IGFN1: variants seen among roughly 807,000 people sequenced by gnomAD.
IGFN1 encodes the protein immunoglobulin like and fibronectin type III domain containing 1.
In IGFN1, 253 loss-of-function variants were observed where a neutral mutation model predicts 289.5. The ratio of observed to expected loss-of-function variants is 0.87; its 90% CI spans 0.79 to 0.97. IGFN1 has a LOEUF of 0.97. Ranked by LOEUF, IGFN1 falls within the 50% of genes least tolerant of loss-of-function variation. The pLI, the probability that IGFN1 is intolerant of heterozygous loss-of-function variation, is 0.00. For synonymous variants in IGFN1, 1,706 were observed against 1,788.5 expected (o/e 0.95, Z 1.16); for missense variants, 4,470 against 4,686.1 (o/e 0.95, Z 1.35).
chr1:201,216,135 T>C (rs1029510801), intron 15 of IGFN1: 6 of 644,680 alleles, frequency 9.3e-6, no homozygotes, highest in African/African-American at 7.1e-5. Flanking sequence ...CCCTGAGTGG[T>C]GCCAGCAAGG....
chr1:201,216,515 C>T lies in IGFN1; in HGVS notation c.9357C>T (p.Cys3119=), dbSNP rs768385954. Residue 3119 remains cysteine (C), a synonymous_variant, in exon 16 of 24, where the codon TGC becomes TGT. Transcript: ENST00000335211. ...EVQDCHRAGV[C]LRWRPPRDNG... ...AGGATTGCCATAGGGCTGGCGTCTG[C>T]CTCCGCTGGCGGCCCCCAAGGGACA... The T allele has an allele frequency of 1.2e-6, 2 of 1,610,008 alleles. No individual in the cohort carries two copies. The highest frequency in any genetic ancestry group is 4.5e-5 in the East Asian group (2 of 44,798).
chr1:201,212,801 A>G lies in IGFN1; in HGVS notation c.7908A>G (p.Gln2636=). The G allele has an allele frequency of 1.9e-6, 3 of 1,551,508 alleles. No homozygotes were observed. The highest frequency in any genetic ancestry group is 2.6e-6 in the Non-Finnish European group (3 of 1,146,932). ...APDWENQGFS[Q]GSIDAGKQPA... ...ATTGGGAAAACCAGGGGTTTAGCCA[A>G]GGCAGCATAGATGCTGGGAAGCAGC... The change falls in exon 12 of 24, where the codon CAA becomes CAG. Residue 2636 remains glutamine, a synonymous_variant. Coordinates refer to ENST00000335211, the MANE Select transcript of IGFN1 (RefSeq NM_001164586.2).
chr1:201,193,993 G>A (rs1162724512), intron 2 of IGFN1, among the ~76,000 whole-genome samples, 161 bp from the exon 3 acceptor site: 1 of 152,170 alleles, frequency 6.6e-6, no homozygotes, highest in Non-Finnish European at 1.5e-5. Flanking sequence ...CAAAAGCACT[G>A]TGCACAGGCA....
Position 201,213,370 on chromosome 1 carries a change from A to G in IGFN1, c.8477A>G (p.Glu2826Gly). 1 of 1,612,400 alleles carries G rather than the reference A, an allele frequency of 6.2e-7. No individual in the cohort carries two copies. The highest frequency in any genetic ancestry group is 8.5e-7 in the Non-Finnish European group (1 of 1,179,264). ...RSRSQAQSGA[E>G]VGGGKRRGAD... ...AGGTCTCAGGCACAGTCAGGGGCTG[A>G]GGTTGGAGGAGGAAAGAGAAGGGGA... Residue 2826 changes from glutamate to glycine, a missense_variant, in exon 12 of 24, where the codon GAG becomes GGG. Physicochemically the swap from Glu to Gly is moderately conservative, Grantham distance 98 (BLOSUM62 -2). This residue lies in a region of IGFN1 where 2,218 missense variants were observed against 2,114.1 expected (regional missense o/e 1.05). Transcript: ENST00000335211.
At chr1:201,194,395 G>A (rs1572159787) in intron 3 of IGFN1, 122 bp downstream of exon 3, 10 of 1,056,030 alleles carry the variant, frequency 9.5e-6, no homozygotes, top group African/African-American at 1.6e-5. Context: ...CTAGGCCATA[G>A]CCCATCTCCC....
intron 3 of IGFN1, 135 bp downstream of exon 3, chr1:201,194,408 C>T (rs1666799506): frequency 1.1e-6 from 1 of 945,572 alleles, no homozygotes; most frequent in African/African-American, 1.7e-5. Flanking sequence ...CATCTCCCTC[C>T]TATCCTTGAG....
chr1:201,218,711 T>C (rs1571486829), intron 18 of IGFN1, 53 bp downstream of exon 18: 2 of 1,548,030 alleles, frequency 1.3e-6, no homozygotes, highest in Non-Finnish European at 1.7e-6. Flanking sequence ...GGGATAGCCC[T>C]GAAGCTGGGT....
rs1402820179 is a variant in IGFN1 at position 201,215,059 on chromosome 1, A to C, written c.8900A>C (p.His2967Pro). The change falls in exon 14 of 24, where the codon CAC becomes CCC. Residue 2967 changes from histidine to proline, a missense_variant. This residue lies in a region of IGFN1 where 2,218 missense variants were observed against 2,114.1 expected (regional missense o/e 1.05). Coordinates refer to ENST00000335211, the MANE Select transcript of IGFN1 (RefSeq NM_001164586.2). ...GVIFKQDGLV[H>P]SLFITHVQGT... is the part of the protein sequence containing the mutation. ...ATCTTTAAGCAAGACGGTCTCGTGC[A>C]CAGCCTCTTCATCACGCATGTGCAG... 1.2e-6 allele frequency: 2 copies of C among 1,614,120 alleles called. No homozygotes were observed. The highest frequency in any genetic ancestry group is 2.2e-5 in the South Asian group (2 of 91,084).
In IGFN1 at chr1:201,225,875, C is replaced by T. The variant is rs6690992; in HGVS notation, c.10538C>T (p.Thr3513Met). 2.0e-4 allele frequency: 320 copies of T among 1,613,008 alleles called. 1 individual carries two copies. The African/African-American group carries it at 3.2e-3, about 16-fold the overall frequency. Residue 3513 changes from threonine (T) to methionine (M), a missense_variant, in exon 22 of 24, where the codon ACG (threonine) becomes ATG (methionine). Thr to Met is a moderately conservative substitution (Grantham distance 81). Coordinates refer to ENST00000335211, the MANE Select transcript of IGFN1 (RefSeq NM_001164586.2). ...CACCTGCAGGAGAACGTGCCTGGGA[C>T]GGTGACGGCCGAGTGGGAACCCTCT... The part of the protein sequence containing the change: ...PIHLQENVPG[T>M]VTAEWEPSPD...
rs147937882 is a variant in IGFN1 at position 201,214,248 on chromosome 1, T to A, written c.8800T>A (p.Cys2934Ser). 6.3e-5 allele frequency: 102 copies of A among 1,613,554 alleles called. No homozygotes were observed. Among genetic ancestry groups the A allele is most frequent in the Admixed American group, 2.2e-4 (13 of 59,994 alleles). Residue 2934 changes from cysteine (C) to serine (S), a missense_variant, in exon 13 of 24, where the codon TGT becomes AGT. Transcript: ENST00000335211. ...VQPGEAATLS[C>S]TLTSDLGPGT... is the part of the protein sequence containing the mutation. ...GCCGGGGGAGGCCGCCACACTCTCC[T>A]GTACCCTCACCAGTGACCTGGGACC...
chr1:201,227,138 C>A lies in IGFN1; in HGVS notation c.11043C>A (p.Ser3681Arg), dbSNP rs41269933. Residue 3681 changes from serine (S) to arginine (R), a missense_variant, in exon 23 of 24, where the codon AGC becomes AGA. Ser to Arg is a moderately radical substitution (Grantham distance 110). Around this residue, in one of 8 missense-constraint regions of IGFN1, gnomAD observed 2,218 missense variants for 2,114.1 expected, o/e 1.05. Transcript: ENST00000335211. Reference protein sequence around the residue: ...LTIPSVSPKDSGEYKAVAENT... With the variant: ...LTIPSVSPKDRGEYKAVAENT... ...TCCCCAGCGTATCCCCGAAGGACAG[C>A]GGGGAGTACAAGGCTGTGGCTGAGA... is the stretch of plus-strand genomic sequence containing the variant. 6.2e-7 allele frequency: 1 copy of A among 1,613,264 alleles called. No individual in the cohort carries two copies. The highest frequency in any genetic ancestry group is 2.2e-5 in the East Asian group (1 of 44,870).
Position 201,221,756 on chromosome 1 carries a change from G to C in IGFN1, c.10201+10G>C. On this transcript the variant is annotated intron_variant, in intron 19 of 23. Transcript: ENST00000335211. ...GCCATGCCTGTTACTGGTGAGTGCTGCCTCCTTCCCCGACCCCTGAGCCCT... is the reference window on the plus strand; with the variant it reads ...GCCATGCCTGTTACTGGTGAGTGCTCCCTCCTTCCCCGACCCCTGAGCCCT... The C allele has an allele frequency of 1.3e-6, 2 of 1,566,274 alleles. No individual in the cohort carries two copies. The highest frequency in any genetic ancestry group is 1.7e-6 in the Non-Finnish European group (2 of 1,152,508).
intron 8 of IGFN1, among the ~76,000 whole-genome samples, chr1:201,200,926 G>A (rs1667125334): frequency 6.6e-6 from 1 of 151,360 alleles, no homozygotes; most frequent in African/African-American, 2.4e-5. Flanking sequence ...CCGCCTCCCA[G>A]GTTCACGCCA....
chr1:201,227,627 A>T (rs2102378217), intron 23 of IGFN1, among the ~76,000 whole-genome samples: 1 of 151,946 alleles, frequency 6.6e-6, no homozygotes, highest in East Asian at 1.9e-4. Flanking sequence ...GGGGGGTTTC[A>T]TCATATTGGC....
At chr1:201,215,303 G>A (rs1047665513) in intron 14 of IGFN1, 149 bp downstream of exon 14, 6 of 999,824 alleles carry the variant, frequency 6.0e-6, no homozygotes, top group South Asian at 5.1e-5. Flanking sequence ...TTAAAAAGCC[G>A]ACTCATACCC....
chr1:201,213,280 A>T lies in IGFN1; in HGVS notation c.8387A>T (p.Glu2796Val). ...GTCCAGGGTCCTGGGGCCCTAAAGG[A>T]GGATGAAGGGCAGGGAGTGGAAGAG... Reference protein sequence around the residue: ...GEVQGPGALKEDEGQGVEEAG... With the variant: ...GEVQGPGALKVDEGQGVEEAG... The change falls in exon 12 of 24, where the codon GAG (glutamate) becomes GTG (valine). Residue 2796 changes from glutamate (E) to valine (V), a missense_variant. This residue lies in a region of IGFN1 where 2,218 missense variants were observed against 2,114.1 expected (regional missense o/e 1.05). Coordinates refer to ENST00000335211, the MANE Select transcript of IGFN1 (RefSeq NM_001164586.2). The T allele has an allele frequency of 1.9e-6, 3 of 1,557,200 alleles. No homozygotes were observed. Among genetic ancestry groups the T allele is most frequent in the Non-Finnish European group, 2.6e-6 (3 of 1,150,052 alleles).
intron 8 of IGFN1, 57 bp from the exon 9 acceptor site, chr1:201,201,662 G>A: frequency 3.2e-6 from 3 of 924,154 alleles, no homozygotes; most frequent in South Asian, 1.4e-5. Flanking sequence ...AGGGTTCAGA[G>A]TACCCCGAAG....
rs764308648 is a variant in IGFN1 at position 201,221,525 on chromosome 1, C to A, written c.9980C>A (p.Thr3327Asn). The A allele has an allele frequency of 6.2e-7, 1 of 1,614,034 alleles. No individual in the cohort carries two copies. The highest frequency in any genetic ancestry group is 1.7e-5 in the Admixed American group (1 of 60,008). The change falls in exon 19 of 24, where the codon ACC (threonine) becomes AAC (asparagine). Residue 3327 changes from threonine to asparagine, a missense_variant. Coordinates refer to ENST00000335211, the MANE Select transcript of IGFN1 (RefSeq NM_001164586.2). ...SITLSWAGPD[T>N]QEGDEAQGYV... is the part of the protein sequence containing the mutation. ...ACTCTGAGCTGGGCTGGGCCAGACA[C>A]CCAGGAAGGGGATGAAGCCCAGGGG... is the stretch of plus-strand genomic sequence containing the variant.
Position 201,215,069 on chromosome 1 carries a change from C to A in IGFN1, c.8910C>A (p.Phe2970Leu). The stretch of plus-strand genomic sequence containing the variant: ...AAGACGGTCTCGTGCACAGCCTCTT[C>A]ATCACGCATGTGCAGGGGACCCAAG... ...FKQDGLVHSL[F>L]ITHVQGTQAG... is the part of the protein sequence containing the mutation. The change falls in exon 14 of 24, where the codon TTC becomes TTA. Residue 2970 changes from phenylalanine to leucine, a missense_variant. Around this residue, in one of 8 missense-constraint regions of IGFN1, gnomAD observed 2,218 missense variants for 2,114.1 expected, o/e 1.05. Transcript: ENST00000335211. 1 of 1,614,130 alleles carries A rather than the reference C, an allele frequency of 6.2e-7. No individual in the cohort carries two copies. Among genetic ancestry groups the A allele is most frequent in the Non-Finnish European group, 8.5e-7 (1 of 1,180,012 alleles).
Sources: gnomAD v4.1 joint callset for allele counts (sites outside exome capture counted in the v4.1 genomes callset) on GRCh38, gnomAD v4.1.1 for gene constraint, gnomAD v4.1.1 regional missense constraint, MANE v1.5 for transcripts, NCBI Gene and HGNC (gene_info 2026-07-23, HGNC 2026-07-21) for gene names.